Variants in ACTG1 observed in about 807,000 individuals in gnomAD.
ACTG1 encodes actin gamma 1.
Under a neutral mutation model 34.3 loss-of-function variants are expected in ACTG1, and 14 were observed. The ratio of observed to expected loss-of-function variants is 0.41; its 90% confidence interval spans 0.27 to 0.64. The LOEUF is 0.64. ACTG1 is among the 30% of genes least tolerant of loss of function. ACTG1 has a pLI of 0.33. For synonymous variants in ACTG1, 422 were observed against 213.9 expected (o/e 1.97, Z -8.49); for missense variants, 233 against 529.5 (o/e 0.44, Z 5.50).
Position 81,511,965 on chromosome 17 carries a change from G to A in ACTG1, c.301C>T (p.His101Tyr), listed in dbSNP as rs2143782978. 1 of 1,614,074 alleles carries A rather than the reference G, an allele frequency of 6.2e-7. No homozygotes were observed. Among genetic ancestry groups the A allele is most frequent in the South Asian group, 1.1e-5 (1 of 91,092 alleles). ...YNELRVAPEE[H>Y]PVLLTEAPLN... Reference sequence around the variant, plus strand: ...GGGGCCTCGGTCAGCAGCACTGGGTGCTCCTCCGGGGCCACGCGCAGCTCG... The same window carrying A: ...GGGGCCTCGGTCAGCAGCACTGGGTACTCCTCCGGGGCCACGCGCAGCTCG... Residue 101 changes from histidine (H) to tyrosine (Y), a missense_variant, in exon 3 of 6, where the codon CAC becomes TAC. Transcript: ENST00000573283.
rs1555666108 is a variant in ACTG1 at position 81,510,335 on chromosome 17, C to T, written c.*355G>A. ...AGCCCTGACACGTTAATACCCTGCA[C>T]AGATCAGAGGCTGCTGGCCACACAG... On this transcript the variant is annotated 3_prime_UTR_variant, in exon 6 of 6. Transcript: ENST00000573283. The T allele has an allele frequency of 2.2e-6, 1 of 445,706 alleles. No individual in the cohort carries two copies. Among genetic ancestry groups the T allele is most frequent in the Non-Finnish European group, 4.3e-6 (1 of 234,546 alleles). 27.6% of individuals were successfully genotyped at this position (445,706 alleles called of 1,614,324 possible).
intron 1 of ACTG1, 153 bp from the exon 2 acceptor site, chr17:81,512,513 G>C: frequency 2.4e-6 from 3 of 1,268,294 alleles, no homozygotes; most frequent in Non-Finnish European, 3.4e-6. Context: ...CCGAAGGCCG[G>C]GCCTTTTACG....
intron 3 of ACTG1, 76 bp downstream of exon 3, chr17:81,511,827 A>C (rs782443393): frequency 6.2e-7 from 1 of 1,607,172 alleles, no homozygotes; most frequent in Non-Finnish European, 8.5e-7. Flanking sequence ...AGAAACACTT[A>C]AATGTCAGAA....
intron 1 of ACTG1, 144 bp downstream of exon 1, chr17:81,512,590 G>T (rs1466911383): frequency 3.1e-6 from 2 of 645,804 alleles, no homozygotes; most frequent in Admixed American, 2.8e-5. Context: ...CGCCCCCCCA[G>T]CCCCGTCCGC....
chr17:81,510,904 G>T, intron 5 of ACTG1, 23 bp downstream of exon 5: 1 of 1,613,858 alleles, frequency 6.2e-7, no homozygotes, highest in Non-Finnish European at 8.5e-7. Flanking sequence ...GCCAGGCAGA[G>T]GGCCACCAAC....
At position 81,511,890 on chromosome 17, in the gene ACTG1, G is replaced by A. The variant is rs9910792; in HGVS notation, c.363+13C>T. 3.7e-6 allele frequency: 6 copies of A among 1,613,716 alleles called. No individual in the cohort carries two copies. The highest frequency in any genetic ancestry group is 1.1e-5 in the South Asian group (1 of 91,078). ...AAAGGACGGGAGGAGCACGGGCGTC[G>A]GCCGAGCCTCACCTGAGTCATCTTC... On this transcript the variant is annotated intron_variant, in intron 3 of 5. Coordinates refer to ENST00000573283, the MANE Select transcript of ACTG1 (RefSeq NM_001614.5).
intron 1 of ACTG1, 26 bp from the exon 2 acceptor site, chr17:81,512,386 C>G (rs118086302): frequency 7.4e-6 from 12 of 1,613,632 alleles, no homozygotes; most frequent in Non-Finnish European, 9.3e-6. Context: ...TGGACTCAGG[C>G]GGGCGCGTCT....
intron 1 of ACTG1, 163 bp from the exon 2 acceptor site, chr17:81,512,523 G>A (rs527352574): frequency 2.9e-5 from 34 of 1,183,692 alleles, no homozygotes; most frequent in Non-Finnish European, 3.9e-5. Flanking sequence ...GGCCTTTTAC[G>A]TAACGTCCAC....
intron 1 of ACTG1, 118 bp downstream of exon 1, chr17:81,512,616 C>G (rs557963728): frequency 1.8e-6 from 1 of 559,014 alleles, no homozygotes; most frequent in East Asian, 3.4e-5. Context: ...CCGGCCCACC[C>G]CGCCTTTTGT....
In ACTG1 at chr17:81,511,026, G is replaced by A; in HGVS notation, c.885C>T (p.Ala295=). The change falls in exon 5 of 6, where the codon GCC becomes GCT. Residue 295 remains alanine, a synonymous_variant. Transcript: ENST00000573283. ...TGGTGCCGCCCGACAGCACCGTGTT[G>A]GCGTACAGGTCTTTGCGGATGTCCA... ...CDVDIRKDLY[A]NTVLSGGTTM... is the part of the protein sequence containing the mutation. 2 of 1,614,026 alleles carry A rather than the reference G, an allele frequency of 1.2e-6. No homozygotes were observed. Among genetic ancestry groups the A allele is most frequent in the Non-Finnish European group, 1.7e-6 (2 of 1,180,028 alleles).
rs1555666189 is a variant in ACTG1 at position 81,510,481 on chromosome 17, A to C, written c.*209T>G. On this transcript the variant is annotated 3_prime_UTR_variant, in exon 6 of 6. Transcript: ENST00000573283. ...TGTACAGGGTATTAAACAAATACCA[A>C]GGGGAACAGTTAACTTCAATACAAG... The C allele has an allele frequency of 1.4e-6, 1 of 733,924 alleles. No homozygotes were observed. Among genetic ancestry groups the C allele is most frequent in the Admixed American group, 2.0e-5 (1 of 49,580 alleles). 45.5% of individuals were successfully genotyped at this position (733,924 alleles called of 1,614,324 possible).
rs782219990 is a variant in ACTG1, at chr17:81,511,181, C to T, written c.802+7G>A. ...AAGAGTAGAAACCTTTAGCTCACAA[C>T]ACCTACCCAGGAAGGAAGGCTGGAA... On this transcript the variant is annotated splice_region_variant and intron_variant, in intron 4 of 5. Transcript: ENST00000573283. The T allele has an allele frequency of 1.9e-6, 3 of 1,613,702 alleles. No homozygotes were observed. Among genetic ancestry groups the T allele is most frequent in the South Asian group, 1.1e-5 (1 of 91,088 alleles).
At position 81,511,458 on chromosome 17, in the gene ACTG1, G is replaced by A. The variant is rs782701290; in HGVS notation, c.532C>T (p.Leu178=). The part of the protein sequence containing the change: ...GYALPHAILR[L]DLAGRDLTDY... ...GTCAGGTCCCGGCCAGCCAGGTCCAGACGCAGGATGGCGTGGGGGAGGGCG... is the reference window on the plus strand; with the variant it reads ...GTCAGGTCCCGGCCAGCCAGGTCCAAACGCAGGATGGCGTGGGGGAGGGCG... The change falls in exon 4 of 6, where the codon CTG becomes TTG. Residue 178 remains leucine (L), a synonymous_variant. Coordinates refer to ENST00000573283, the MANE Select transcript of ACTG1 (RefSeq NM_001614.5). The A allele has an allele frequency of 6.2e-7, 1 of 1,613,932 alleles. No homozygotes were observed. The highest frequency in any genetic ancestry group is 1.1e-5 in the South Asian group (1 of 91,088).
Position 81,512,717 on chromosome 17 carries a change from CG to C in ACTG1, c.-7+16del. 2.5e-6 allele frequency: 1 copy of C among 404,314 alleles called. No homozygotes were observed. The highest frequency in any genetic ancestry group is 4.7e-6 in the Non-Finnish European group (1 of 210,752). The allele number at this position is 404,314 out of a possible 1,614,324, so 25.0% of individuals were successfully genotyped here. On this transcript the variant is annotated intron_variant, in intron 1 of 5. Transcript: ENST00000573283. The stretch of plus-strand genomic sequence containing the variant: ...GGCCTGCGACGTCCAGCTCAGGCCC[CG>C]GGGCGGGGCGCTCACCGGCAGAGAA...
intron 1 of ACTG1, 153 bp downstream of exon 1, chr17:81,512,581 G>A: frequency 1.5e-6 from 1 of 683,712 alleles, no homozygotes; most frequent in South Asian, 1.8e-5. Context: ...GACCCCCGGC[G>A]CCCCCCCAGC....
intron 3 of ACTG1, 32 bp from the exon 4 acceptor site, chr17:81,511,658 G>C (rs377310278): frequency 1.0e-5 from 16 of 1,603,072 alleles, no homozygotes; most frequent in Non-Finnish European, 1.3e-5. Flanking sequence ...CTTAGTCAGG[G>C]ACAGAGACCC....
In ACTG1 at chr17:81,511,291, G is replaced by C. The variant is rs146367733; in HGVS notation, c.699C>G (p.Ser233=). Residue 233 remains serine, a synonymous_variant, in exon 4 of 6, where the codon TCC becomes TCG. Transcript: ENST00000573283. The stretch of plus-strand genomic sequence containing the variant: ...GCTCGTAGCTCTTCTCCAGAGAAGA[G>C]GAGGATGCGGCGGTGGCCATCTCCT... ...FEQEMATAAS[S]SSLEKSYELP... 1 of 1,613,854 alleles carries C rather than the reference G, an allele frequency of 6.2e-7. No individual in the cohort carries two copies.
chr17:81,510,230 C>A lies in ACTG1; in HGVS notation c.*460G>T. 1.9e-6 allele frequency: 1 copy of A among 519,176 alleles called. No homozygotes were observed. Among genetic ancestry groups the A allele is most frequent in the South Asian group, 1.6e-5 (1 of 64,118 alleles). 32.2% of individuals were successfully genotyped at this position (519,176 alleles called of 1,614,324 possible). ...TAAGAAAGGAAACTGGGTCCTACGGCTTGGACTTTCCAACCCTGACAGACC... is the reference window on the plus strand; with the variant it reads ...TAAGAAAGGAAACTGGGTCCTACGGATTGGACTTTCCAACCCTGACAGACC... On this transcript the variant is annotated 3_prime_UTR_variant, in exon 6 of 6. Transcript: ENST00000573283.
rs782144549 is a variant in ACTG1 at position 81,510,512 on chromosome 17, A to C, written c.*178T>G. 1 of 841,614 alleles carries C rather than the reference A, an allele frequency of 1.2e-6. No homozygotes were observed. The allele number at this position is 841,614 out of a possible 1,614,324, so 52.1% of individuals were successfully genotyped here. A position where few individuals can be genotyped will look rare whatever the true frequency, so the allele number is the denominator to read the frequency against. Reference sequence around the variant, plus strand: ...ACAGTTAACTTCAATACAAGGTCAAAATCAGCAACAAGTTCTACAATCCAG... The same window carrying C: ...ACAGTTAACTTCAATACAAGGTCAACATCAGCAACAAGTTCTACAATCCAG... On this transcript the variant is annotated 3_prime_UTR_variant, in exon 6 of 6. Transcript: ENST00000573283.
Sources: gnomAD v4.1 joint callset for allele counts on GRCh38, gnomAD v4.1.1 for gene constraint, MANE v1.5 for transcripts, NCBI Gene and HGNC (gene_info 2026-07-23, HGNC 2026-07-21) for gene names.